CEP152: variants seen among roughly 807,000 people sequenced by gnomAD.
CEP152 encodes centrosomal protein of 152 kDa.
CEP152 carries 132 observed loss-of-function variants against 188.9 expected under a neutral mutation model. The ratio of observed to expected loss-of-function variants is 0.70; its 90% CI spans 0.61 to 0.81. The LOEUF (loss-of-function observed/expected upper bound fraction) is 0.81. CEP152 is among the 30% of genes least tolerant of loss of function. The probability of loss-of-function intolerance (pLI) is 0.00; values close to 1 mark genes in which losing one functional copy is unlikely to be tolerated. For missense variants in CEP152, 1,914 were observed against 1,969.8 expected, an observed-to-expected ratio of 0.97 and a Z score of 0.54; for synonymous variants, 649 against 666.6, an observed-to-expected ratio of 0.97 and a Z score of 0.41.
In CEP152 at chr15:48,738,469, G is replaced by A. The variant is rs1335587474; in HGVS notation, c.4913C>T (p.Pro1638Leu). Residue 1638 changes from proline to leucine, a missense_variant, in exon 27 of 27, where the codon CCA (proline) becomes CTA (leucine). Pro to Leu is a moderately conservative substitution (Grantham distance 98, BLOSUM62 -3). Transcript: ENST00000380950. ...QTMKCQRYQT[P>L]YLSEETTYLE... ...ATACGTGGTTTCTTCTGACAGGTAT[G>A]GAGTTTGATAACGCTGACATTTCAT... is the stretch of plus-strand genomic sequence containing the variant. The A allele has an allele frequency of 1.9e-6, 3 of 1,614,192 alleles. No homozygotes were observed. The highest frequency in any genetic ancestry group is 1.3e-5 in the African/African-American group (1 of 75,048).
chr15:48,744,203 C>A, intron 24 of CEP152, 37 bp downstream of exon 24: 1 of 1,609,858 alleles, frequency 6.2e-7, no homozygotes, highest in Non-Finnish European at 8.5e-7. Context: ...ATAAAAAAGG[C>A]CCAAGCCATC....
chr15:48,759,456 G>C lies in CEP152; in HGVS notation c.2694+679C>G, dbSNP rs115474949. ...ATAGTAGGGCCTACCTCTGAAACCT[G>C]TATTGCACTGAATTAAAATGAATTC... is the stretch of plus-strand genomic sequence containing the variant. On this transcript the variant is annotated intron_variant, in intron 19 of 26. Coordinates refer to ENST00000380950, the MANE Select transcript of CEP152 (RefSeq NM_001194998.2). Among the ~76,000 whole-genome samples, 888 of 152,204 alleles carry C rather than the reference G, an allele frequency of 5.8e-3. 8 individuals are homozygous for C. Among genetic ancestry groups the C allele is most frequent in the African/African-American group, 0.02 (851 of 41,514 alleles).
In CEP152 at chr15:48,741,600, C is replaced by T; in HGVS notation, c.4093+1G>A. On this transcript the variant is annotated splice_donor_variant, in intron 26 of 26. Coordinates refer to ENST00000380950, the MANE Select transcript of CEP152 (RefSeq NM_001194998.2). LOFTEE classifies it high-confidence loss of function. ...CCATTTGGCGACTCACTTTGACATA[C>T]CTGACTGTGTAGTTTTGCTTTGGGA... 6.2e-7 allele frequency: 1 copy of T among 1,614,094 alleles called. No individual in the cohort carries two copies. Among genetic ancestry groups the T allele is most frequent in the Non-Finnish European group, 8.5e-7 (1 of 1,180,004 alleles).
intron 8 of CEP152, among the ~76,000 whole-genome samples, chr15:48,789,813 C>T (rs1315183697): frequency 6.6e-6 from 1 of 152,190 alleles, no homozygotes; most frequent in African/African-American, 2.4e-5. Flanking sequence ...CCCCTAAAGC[C>T]TCCGGAAAGC....
At chr15:48,782,320 C>T (rs1896308052) in intron 10 of CEP152, 90 bp from the exon 11 acceptor site, 5 of 1,117,950 alleles carry the variant, frequency 4.5e-6, no homozygotes, top group African/African-American at 1.5e-5. Context: ...ACTGAGGCTA[C>T]AGAAAGTAAA....
At chr15:48,748,339 C>T (rs1893612637) in intron 22 of CEP152, 104 bp downstream of exon 22, 2 of 1,299,290 alleles carry the variant, frequency 1.5e-6, no homozygotes, top group Non-Finnish European at 2.0e-6. Context: ...TATATTAATC[C>T]CAAAAGAGGA....
In CEP152 at chr15:48,738,252, G is replaced by C. The variant is rs1221613950; in HGVS notation, c.5130C>G (p.Asp1710Glu). The C allele has an allele frequency of 1.2e-6, 2 of 1,611,862 alleles. No homozygotes were observed. The highest frequency in any genetic ancestry group is 1.7e-6 in the Non-Finnish European group (2 of 1,178,674). ...CTTCTTAAATACTGTACCATAATTA[G>C]TCTAGATTAACAAATGGGCTATCAA... ...SGFDSPFVNL[D>E] The change falls in exon 27 of 27, where the codon GAC becomes GAG. Residue 1710 changes from aspartate to glutamate, a missense_variant. By Grantham distance (45) the Asp-to-Glu change is conservative. Coordinates refer to ENST00000380950, the MANE Select transcript of CEP152 (RefSeq NM_001194998.2).
At chr15:48,808,598 A>G (rs1898143030) in intron 1 of CEP152, among the ~76,000 whole-genome samples, 1 of 152,180 alleles carries the variant, frequency 6.6e-6, no homozygotes, top group South Asian at 2.1e-4. Context: ...AAGAAGTGTC[A>G]TTTAAACAAT....
chr15:48,749,774 G>T (rs771509355), intron 21 of CEP152, among the ~76,000 whole-genome samples: 1 of 151,936 alleles, frequency 6.6e-6, no homozygotes, highest in Admixed American at 6.6e-5. Flanking sequence ...GATTAAAGGA[G>T]GCTAAAGATA....
intron 2 of CEP152, 169 bp downstream of exon 2, chr15:48,805,394 C>G: frequency 1.3e-6 from 1 of 799,084 alleles, no homozygotes; most frequent in East Asian, 3.0e-5. Flanking sequence ...AAGCATTCCA[C>G]TTATTCACCT....
chr15:48,734,292 C>T (rs1892523596), downstream of CEP152, among the ~76,000 whole-genome samples: 1 of 149,452 alleles, frequency 6.7e-6, no homozygotes, highest in Non-Finnish European at 1.5e-5. Flanking sequence ...TAAACTGGGG[C>T]AAAGTTGCTA....
intron 1 of CEP152, among the ~76,000 whole-genome samples, chr15:48,809,303 G>A (rs1438456729): frequency 2.6e-5 from 4 of 152,114 alleles, no homozygotes; most frequent in East Asian, 1.9e-4. Context: ...CTGTGTTCCA[G>A]ATCATATCCT....
In CEP152 at chr15:48,762,590, G is replaced by A. The variant is rs1180490128; in HGVS notation, c.2363C>T (p.Thr788Ile). The A allele has an allele frequency of 6.2e-7, 1 of 1,613,924 alleles. No individual in the cohort carries two copies. The highest frequency in any genetic ancestry group is 1.1e-5 in the South Asian group (1 of 91,078). ...GTCAGTTTGGCTGCCACAATCTAAG[G>A]TCTTCTTTTTCATTGCCTTTATAGT... ...DQTIKAMKKK[T>I]LDCGSQTDQV... The change falls in exon 18 of 27, where the codon ACC becomes ATC. Residue 788 changes from threonine (T) to isoleucine (I), a missense_variant. Thr to Ile is a moderately conservative substitution (Grantham distance 89). Coordinates refer to ENST00000380950, the MANE Select transcript of CEP152 (RefSeq NM_001194998.2).
intron 9 of CEP152, 116 bp from the exon 10 acceptor site, chr15:48,784,236 G>C (rs937029741): frequency 1.0e-6 from 1 of 987,862 alleles, no homozygotes; most frequent in Non-Finnish European, 1.5e-6. Flanking sequence ...TCACATGGGA[G>C]CATCACCTCT....
downstream of CEP152, among the ~76,000 whole-genome samples, chr15:48,736,052 A>T (rs1210559928): frequency 6.6e-6 from 1 of 152,196 alleles, no homozygotes. Flanking sequence ...AAAATAGCCA[A>T]ATTCCTCAAA....
Position 48,797,734 on chromosome 15 carries a change from G to C in CEP152, c.192-4C>G. On this transcript the variant is annotated splice_polypyrimidine_tract_variant and splice_region_variant and intron_variant, in intron 3 of 26. Transcript: ENST00000380950. ...CAATTGCTCAGGATGATGTGGTCTC[G>C]AGAAAAAGGAATACTTTCGATTTAA... The C allele has an allele frequency of 6.2e-7, 1 of 1,613,678 alleles. No individual in the cohort carries two copies.
intron 2 of CEP152, 106 bp downstream of exon 2, chr15:48,805,457 C>A: frequency 7.0e-7 from 1 of 1,426,648 alleles, no homozygotes; most frequent in Non-Finnish European, 9.3e-7. Flanking sequence ...TTAAAAAATC[C>A]AAATCCCTTC....
At chr15:48,787,163 G>GTTTTTTGTT (rs71120640) in intron 9 of CEP152, among the ~76,000 whole-genome samples, 3,883 of 101,428 alleles carry the variant, frequency 0.038, 328 homozygotes, top group Non-Finnish European at 0.052. Flanking sequence ...TATAGCCTTC[G>GTTTTTTGTT]TTTTTTTTTT....
intron 2 of CEP152, among the ~76,000 whole-genome samples, chr15:48,731,466 G>A (rs1425157661): frequency 6.6e-6 from 1 of 152,166 alleles, no homozygotes; most frequent in African/African-American, 2.4e-5. Flanking sequence ...ATGGTGCTGG[G>A]AGAACTGGCT....
Sources: gnomAD v4.1 joint callset for allele counts (sites outside exome capture counted in the v4.1 genomes callset) on GRCh38, gnomAD v4.1.1 for gene constraint, MANE v1.5 for transcripts, NCBI Gene and HGNC (gene_info 2026-07-23, HGNC 2026-07-21) for gene names.